The following RAB30 variants were observed in gnomAD, a reference collection of about 807,000 sequenced individuals.
The protein encoded by RAB30 is ras-related protein Rab-30.
RAB30 carries 9 observed loss-of-function variants against 25.1 expected under a neutral mutation model. That is an observed-to-expected ratio of 0.36 (90% confidence interval 0.22 to 0.63). The LOEUF (loss-of-function observed/expected upper bound fraction) is 0.63, where lower values mean the gene tolerates loss of function less well. Among genes scored for constraint, RAB30 ranks in the 20% least tolerant of loss-of-function variants. The pLI is 0.69. For synonymous variants in RAB30, 77 were observed against 86.4 expected (o/e 0.89, Z 0.60); for missense variants, 140 against 243.5 (o/e 0.58, Z 2.83).
intron 1 of RAB30, among the ~76,000 whole-genome samples, chr11:83,057,413 C>T (rs534766308): frequency 6.6e-6 from 1 of 152,220 alleles, no homozygotes; most frequent in South Asian, 2.1e-4. Context: ...TTTTCCAGGC[C>T]AGAAACATTC....
intron 1 of RAB30, among the ~76,000 whole-genome samples, chr11:83,015,396 A>G (rs1055808825): frequency 6.6e-6 from 1 of 151,972 alleles, no homozygotes; most frequent in Non-Finnish European, 1.5e-5. Context: ...AAGAAATGAA[A>G]AGTAATACCT....
intron 1 of RAB30, among the ~76,000 whole-genome samples, chr11:83,013,367 A>G (rs1234272922): frequency 1.3e-5 from 2 of 152,144 alleles, no homozygotes; most frequent in Admixed American, 6.5e-5. Context: ...TTACAGGCAT[A>G]AGCCACTGCG....
intron 1 of RAB30, among the ~76,000 whole-genome samples, chr11:82,998,359 G>T (rs1382578771): frequency 1.3e-5 from 2 of 152,106 alleles, no homozygotes; most frequent in African/African-American, 4.8e-5. Context: ...GGACTGCTGT[G>T]AAGATTTTTT....
intron 1 of RAB30, among the ~76,000 whole-genome samples, chr11:83,020,541 TC>T (rs1465675070): frequency 6.6e-6 from 1 of 152,284 alleles, no homozygotes; most frequent in African/African-American, 2.4e-5. Context: ...GCAGACAAGC[TC>T]CTGGACAGAA....
At chr11:83,031,101 G>A (rs1857846772) in intron 1 of RAB30, among the ~76,000 whole-genome samples, 1 of 152,236 alleles carries the variant, frequency 6.6e-6, no homozygotes, top group Non-Finnish European at 1.5e-5. Flanking sequence ...GCCAAGGAGA[G>A]AGGCCTCAGA....
At chr11:82,988,604 C>T (rs1414650512) in intron 3 of RAB30, among the ~76,000 whole-genome samples, 1 of 152,138 alleles carries the variant, frequency 6.6e-6, no homozygotes, top group Non-Finnish European at 1.5e-5. Context: ...CAGTTATCTA[C>T]CAGTTCTAAG....
Position 83,028,024 on chromosome 11 carries a change from G to T in RAB30, c.-8-30700C>A, listed in dbSNP as rs1434358537. On this transcript the variant is annotated intron_variant, in intron 1 of 4. Coordinates refer to ENST00000527633, the MANE Select transcript of RAB30 (RefSeq NM_001286060.2). ...GGATCACATTTTAGAGTGACATCTT[G>T]GGAAAGCCTCTAATAAAGATACAGA... Among the ~76,000 whole-genome samples the T allele has an allele frequency of 2.6e-5, 4 of 151,984 alleles. 1 individual carries two copies. The highest frequency in any genetic ancestry group is 5.9e-5 in the Non-Finnish European group (4 of 68,000).
At chr11:83,033,849 G>A (rs887979901) in intron 1 of RAB30, among the ~76,000 whole-genome samples, 1 of 151,934 alleles carries the variant, frequency 6.6e-6, no homozygotes, top group East Asian at 1.9e-4. Flanking sequence ...AGGGTATCAA[G>A]TACCTCCAAA....
intron 1 of RAB30, among the ~76,000 whole-genome samples, chr11:83,027,521 G>C (rs1295487011): frequency 6.6e-5 from 10 of 152,056 alleles, no homozygotes; most frequent in Non-Finnish European, 2.9e-5. Context: ...CCAACAAACA[G>C]CCCATCCAGA....
chr11:83,002,421 G>C (rs947857662), intron 1 of RAB30, among the ~76,000 whole-genome samples: 1 of 152,104 alleles, frequency 6.6e-6, no homozygotes, highest in African/African-American at 2.4e-5. Flanking sequence ...ATATAAACAG[G>C]AGCACAGATG....
chr11:83,014,504 C>T (rs1857371632), intron 1 of RAB30, among the ~76,000 whole-genome samples: 1 of 151,868 alleles, frequency 6.6e-6, no homozygotes, highest in Non-Finnish European at 1.5e-5. Flanking sequence ...TTTGATGATG[C>T]CAGTGCACTC....
chr11:83,033,504 G>A (rs1341909810), intron 1 of RAB30, among the ~76,000 whole-genome samples: 1 of 152,148 alleles, frequency 6.6e-6, no homozygotes. Flanking sequence ...CCCATTTGTT[G>A]AGAACACTCG....
intron 1 of RAB30, among the ~76,000 whole-genome samples, chr11:83,000,961 G>T (rs1363852870): frequency 1.3e-5 from 2 of 150,814 alleles, no homozygotes; most frequent in Non-Finnish European, 3.0e-5. Flanking sequence ...GTAGGAGAAT[G>T]GCGTGAACCC....
intron 1 of RAB30, among the ~76,000 whole-genome samples, chr11:83,048,773 G>C (rs190443226): frequency 1.3e-5 from 2 of 152,118 alleles, no homozygotes; most frequent in African/African-American, 2.4e-5. Context: ...TGAGCTCTGC[G>C]ACCTCTAAGG....
chr11:83,044,413 C>G (rs1180114624), intron 1 of RAB30, among the ~76,000 whole-genome samples: 4 of 152,158 alleles, frequency 2.6e-5, no homozygotes, highest in African/African-American at 9.7e-5. Context: ...GAACTAAAAT[C>G]TAAGGACTTC....
At chr11:83,027,714 T>A (rs1466843491) in intron 1 of RAB30, among the ~76,000 whole-genome samples, 1 of 152,366 alleles carries the variant, frequency 6.6e-6, no homozygotes, top group South Asian at 2.1e-4. Flanking sequence ...TTAGCATATT[T>A]ACAGAGTTGT....
rs1856581095 is a variant in RAB30 at position 82,978,369 on chromosome 11, G to A, written c.*3796C>T. On this transcript the variant is annotated 3_prime_UTR_variant, in exon 5 of 5. Transcript: ENST00000527633. Reference sequence around the variant, plus strand: ...ATTAGATTTTTGCCCTAAATGACAGGTAATAAATCTAAACTTAGGAACATT... The same window carrying A: ...ATTAGATTTTTGCCCTAAATGACAGATAATAAATCTAAACTTAGGAACATT... 1 of 151,746 alleles carries A rather than the reference G, an allele frequency of 6.6e-6. No homozygotes were observed. Among genetic ancestry groups the A allele is most frequent in the African/African-American group, 2.4e-5 (1 of 41,324 alleles). The allele number at this position is 151,746 out of a possible 1,614,324, so 9.4% of individuals were successfully genotyped here.
chr11:83,003,213 A>G (rs1009152853), intron 1 of RAB30, among the ~76,000 whole-genome samples: 1 of 152,220 alleles, frequency 6.6e-6, no homozygotes, highest in African/African-American at 2.4e-5. Flanking sequence ...GTTACGTGAG[A>G]GGCAAATAAG....
chr11:82,996,897 TATTA>T (rs1173887712), intron 2 of RAB30, among the ~76,000 whole-genome samples: 1 of 152,210 alleles, frequency 6.6e-6, no homozygotes, highest in Non-Finnish European at 1.5e-5. Flanking sequence ...ACCTGGGGAT[TATTA>T]ATTAGTAACT....
Sources: gnomAD v4.1 joint callset for allele counts (sites outside exome capture counted in the v4.1 genomes callset) on GRCh38, gnomAD v4.1.1 for gene constraint, MANE v1.5 for transcripts, NCBI Gene and HGNC (gene_info 2026-07-23, HGNC 2026-07-21) for gene names.